Variants in OGFOD3 observed in about 807,000 individuals in gnomAD.
The protein encoded by OGFOD3 is 2-oxoglutarate and iron-dependent oxygenase domain-containing protein 3.
Under a neutral mutation model 39.8 loss-of-function variants are expected in OGFOD3, and 35 were observed. That is an observed-to-expected ratio of 0.88 (90% CI 0.67 to 1.17). The LOEUF (loss-of-function observed/expected upper bound fraction) is 1.17. OGFOD3 is among the 50% of genes most tolerant of loss of function. The pLI, the probability that OGFOD3 is intolerant of heterozygous loss-of-function variation, is 0.00. For synonymous variants in OGFOD3, 200 were observed against 192.0 expected (o/e 1.04, Z -0.34); for missense variants, 438 against 454.5 (o/e 0.96, Z 0.33).
At position 82,403,870 on chromosome 17, in the gene OGFOD3, T is replaced by C. The variant is rs369162624; in HGVS notation, c.699+67A>G. ...GCGCTCACCCTGCCCACGTGCGCAC[T>C]CACCGTGCCCACGGGCACGCTCACC... On this transcript the variant is annotated intron_variant, in intron 7 of 8. Transcript: ENST00000313056. 153 of 1,517,782 alleles carry C rather than the reference T, an allele frequency of 1.0e-4. 1 individual carries two copies. The African/African-American group carries it at 1.8e-3, about 18-fold the overall frequency. The allele number at this position is 1,517,782 out of a possible 1,614,324, so 94.0% of individuals were successfully genotyped here. A position where few individuals can be genotyped will look rare whatever the true frequency, so the allele number is the denominator to read the frequency against.
chr17:82,412,778 C>G (rs775019678), intron 2 of OGFOD3, among the ~76,000 whole-genome samples: 1 of 152,178 alleles, frequency 6.6e-6, no homozygotes, highest in African/African-American at 2.4e-5. Context: ...CATGCCTGAT[C>G]GATCAGACAG....
chr17:82,401,288 C>A (rs1316465545), intron 7 of OGFOD3: 2 of 151,662 alleles, frequency 1.3e-5, no homozygotes, highest in African/African-American at 4.8e-5. Context: ...GGACTACAGG[C>A]GCCCGCCACC....
At position 82,415,265 on chromosome 17, in the gene OGFOD3, A is replaced by G; in HGVS notation, c.304+133T>C. Reference sequence around the variant, plus strand: ...ACTCCCAGTCAGACGTGGACTAGCCAGCCTGCAGGAGGGGAGAGGTTGTCT... The same window carrying G: ...ACTCCCAGTCAGACGTGGACTAGCCGGCCTGCAGGAGGGGAGAGGTTGTCT... On this transcript the variant is annotated intron_variant, in intron 2 of 8. Transcript: ENST00000313056. The surrounding 1 kb of genome is among the most constrained non-coding windows in gnomAD (Gnocchi z 5.3). 1.1e-6 allele frequency: 1 copy of G among 889,018 alleles called. No individual in the cohort carries two copies. The highest frequency in any genetic ancestry group is 1.8e-6 in the Non-Finnish European group (1 of 562,718). The allele number at this position is 889,018 out of a possible 1,614,324, so 55.1% of individuals were successfully genotyped here.
rs796179629 is a variant in OGFOD3, at chr17:82,415,900, GAA to G, written c.75-275_75-274del. On this transcript the variant is annotated intron_variant, in intron 1 of 8. Transcript: ENST00000313056. This position sits in a 1 kb window ranked among gnomAD's most constrained non-coding sequence, Gnocchi z 5.3. ...AGAGACTCATGGGTTTTAAGCAAAAGAAAAAAAAAAAAAAAGCCAGACATGCT... is the reference window on the plus strand; with the variant it reads ...AGAGACTCATGGGTTTTAAGCAAAAGAAAAAAAAAAAAAGCCAGACATGCT... 3.8e-5 allele frequency among the ~76,000 whole-genome samples: 4 copies of G among 104,220 alleles called. No individual in the cohort carries two copies. Among genetic ancestry groups the G allele is most frequent in the Non-Finnish European group, 4.3e-5 (2 of 47,024 alleles). The allele number at this position is 104,220 out of a possible 152,430, so 68.4% of individuals were successfully genotyped here.
At chr17:82,395,746 G>A (rs570929692) in intron 8 of OGFOD3, among the ~76,000 whole-genome samples, 9 of 152,290 alleles carry the variant, frequency 5.9e-5, no homozygotes, top group East Asian at 1.9e-4. Flanking sequence ...GCGTGAATCC[G>A]GGAGGCGGAG....
intron 7 of OGFOD3, among the ~76,000 whole-genome samples, chr17:82,402,981 G>C (rs981886413): frequency 5.9e-5 from 9 of 151,830 alleles, no homozygotes; most frequent in African/African-American, 2.2e-4. Context: ...GATGGCTTGA[G>C]CCTGGGAGGT....
At chr17:82,405,187 T>G in intron 6 of OGFOD3, 137 bp downstream of exon 6, 2 of 712,982 alleles carry the variant, frequency 2.8e-6, no homozygotes, top group South Asian at 3.5e-5. Flanking sequence ...CTTTGCTCCA[T>G]GAGAACTCAC....
chr17:82,407,265 CA>C (rs35103178), intron 4 of OGFOD3, among the ~76,000 whole-genome samples: 24,509 of 138,698 alleles, frequency 0.18, 2,449 homozygotes, highest in South Asian at 0.38. Context: ...AACTCCATCT[CA>C]AAAAAAAAAA....
intron 2 of OGFOD3, among the ~76,000 whole-genome samples, chr17:82,412,045 GACCACTGGCGCAGAA>G (rs2052955450): frequency 1.5e-5 from 1 of 65,996 alleles, no homozygotes; most frequent in Non-Finnish European, 3.1e-5. Context: ...ACCCTCCTGG[GACCACTGGCGCAGAA>G]AACCCTCCTG....
intron 7 of OGFOD3, among the ~76,000 whole-genome samples, chr17:82,401,729 G>A (rs2052766577): frequency 6.8e-6 from 1 of 147,500 alleles, no homozygotes; most frequent in Non-Finnish European, 1.5e-5. Context: ...GCTTGAACCT[G>A]GGAGGCAGAG....
chr17:82,407,869 A>AC (rs1244542484), intron 4 of OGFOD3, among the ~76,000 whole-genome samples: 9 of 152,226 alleles, frequency 5.9e-5, no homozygotes, highest in African/African-American at 2.2e-4. Flanking sequence ...TAGGCCGGGC[A>AC]CGGTGGTTCA....
intron 2 of OGFOD3, among the ~76,000 whole-genome samples, chr17:82,412,133 A>T (rs1415993819): frequency 6.6e-6 from 1 of 151,558 alleles, no homozygotes; most frequent in East Asian, 2.0e-4. Flanking sequence ...TGAGACCACC[A>T]GAGTGGAGCT....
chr17:82,415,610 G>A lies in OGFOD3; in HGVS notation c.92C>T (p.Ala31Val), dbSNP rs2053020692. The A allele has an allele frequency of 1.2e-6, 2 of 1,611,788 alleles. No homozygotes were observed. Among genetic ancestry groups the A allele is most frequent in the Admixed American group, 1.7e-5 (1 of 59,810 alleles). ...RNRSSTKKDR[A>V]PREVQRLWQR... ...CCACAGCCTCTGCACCTCCCGCGGGGCTCGGTCCTTCTTGGTGCTGAGAAC... is the reference window on the plus strand; with the variant it reads ...CCACAGCCTCTGCACCTCCCGCGGGACTCGGTCCTTCTTGGTGCTGAGAAC... The change falls in exon 2 of 9, where the codon GCC (alanine) becomes GTC (valine). Residue 31 changes from alanine to valine, a missense_variant. Coordinates refer to ENST00000313056, the MANE Select transcript of OGFOD3 (RefSeq NM_024648.3). The surrounding 1 kb of genome is among the most constrained non-coding windows in gnomAD (Gnocchi z 5.3).
chr17:82,406,397 A>T lies in OGFOD3; in HGVS notation c.488+21T>A, dbSNP rs755629829. The T allele has an allele frequency of 1.2e-6, 2 of 1,611,986 alleles. No individual in the cohort carries two copies. Among genetic ancestry groups the T allele is most frequent in the South Asian group, 2.2e-5 (2 of 91,040 alleles). ...CACTCGGCTTTCAGAGCCAGCACTG[A>T]GGTCATGCTGCAGCACTCACCTGTA... On this transcript the variant is annotated intron_variant, in intron 5 of 8. Transcript: ENST00000313056. The surrounding 1 kb of genome is among the most constrained non-coding windows in gnomAD (Gnocchi z 5.2).
rs141178405 is a variant in OGFOD3, at chr17:82,411,641, GAC to G, written c.305-113_305-112del. 4,539 of 790,796 alleles carry G rather than the reference GAC, an allele frequency of 5.7e-3. 148 individuals are homozygous for G. The African/African-American group carries it at 0.071, about 12-fold the overall frequency. 49.0% of individuals were successfully genotyped at this position (790,796 alleles called of 1,614,324 possible). A position where few individuals can be genotyped will look rare whatever the true frequency, so the allele number is the denominator to read the frequency against. On this transcript the variant is annotated intron_variant, in intron 2 of 8. Coordinates refer to ENST00000313056, the MANE Select transcript of OGFOD3 (RefSeq NM_024648.3). ...TACGCCCGGTCAAATGTGAATTTCA[GAC>G]ACACACAACCACAGCTCTCCAGCGT...
rs869251737 is a variant in OGFOD3 at position 82,404,741 on chromosome 17, CTT to C, written c.545+581_545+582del. 8.3e-5 allele frequency among the ~76,000 whole-genome samples: 11 copies of C among 133,148 alleles called. No homozygotes were observed. Among genetic ancestry groups the C allele is most frequent in the Admixed American group, 1.5e-4 (2 of 13,386 alleles). The allele number at this position is 133,148 out of a possible 152,430, so 87.4% of individuals were successfully genotyped here. The stretch of plus-strand genomic sequence containing the variant: ...CCAGCAGAATTTTTTCTTTTCTTTT[CTT>C]TTTTTTTTTTTTTTTTGAGATGAGG... On this transcript the variant is annotated intron_variant, in intron 6 of 8. Transcript: ENST00000313056. The surrounding 1 kb of genome is among the most constrained non-coding windows in gnomAD (Gnocchi z 4.5).
chr17:82,413,364 C>T (rs1384355783), intron 2 of OGFOD3, among the ~76,000 whole-genome samples: 1 of 152,132 alleles, frequency 6.6e-6, no homozygotes, highest in Non-Finnish European at 1.5e-5. Flanking sequence ...GCAACCAAAG[C>T]ACAGACGCTG....
intron 8 of OGFOD3, among the ~76,000 whole-genome samples, chr17:82,394,802 G>A (rs1361490282): frequency 1.3e-5 from 2 of 152,206 alleles, no homozygotes; most frequent in African/African-American, 4.8e-5. Context: ...CAGAGGGGCT[G>A]GGGACAGAGG....
At chr17:82,412,184 T>C (rs1318234665) in intron 2 of OGFOD3, among the ~76,000 whole-genome samples, 1 of 152,182 alleles carries the variant, frequency 6.6e-6, no homozygotes, top group South Asian at 2.1e-4. Context: ...CACAGCGAAC[T>C]GCTCCGCACA....
Sources: gnomAD v4.1 joint callset for allele counts (sites outside exome capture counted in the v4.1 genomes callset) on GRCh38, gnomAD v4.1.1 for gene constraint, Gnocchi (gnomAD v3.1) non-coding constraint, MANE v1.5 for transcripts, NCBI Gene and HGNC (gene_info 2026-07-23, HGNC 2026-07-21) for gene names.